Variants in ANKRD10 observed in about 807,000 individuals in gnomAD.
ANKRD10 encodes ankyrin repeat domain-containing protein 10.
Under a neutral mutation model 27.0 loss-of-function variants are expected in ANKRD10, and 14 were observed. The observed-to-expected ratio is 0.52, with a 90% CI of 0.34 to 0.81. The LOEUF (loss-of-function observed/expected upper bound fraction) is 0.81, where lower values mean the gene tolerates loss of function less well. Ranked by LOEUF, ANKRD10 falls within the 40% of genes least tolerant of loss-of-function variation. ANKRD10 has a pLI of 0.01. For synonymous variants in ANKRD10, 250 were observed against 224.5 expected (o/e 1.11, Z -1.01); for missense variants, 493 against 544.0 (o/e 0.91, Z 0.93).
chr13:110,894,977 A>G (rs990273135), intron 3 of ANKRD10: 2 of 152,200 alleles, frequency 1.3e-5, no homozygotes, highest in African/African-American at 4.8e-5. Flanking sequence ...TTTTAATGGT[A>G]TATTTCACTT....
rs1253393962 is a variant in ANKRD10 at position 110,879,500 on chromosome 13, G to A, written c.*137C>T. ...AACAAGCAGTTGCTGGGAACTTGTC[G>A]AAGTTTACTTTTTCAGAAAGTTGAA... On this transcript the variant is annotated 3_prime_UTR_variant, in exon 6 of 6. Coordinates refer to ENST00000267339, the MANE Select transcript of ANKRD10 (RefSeq NM_017664.4). The A allele has an allele frequency of 2.0e-5, 14 of 693,416 alleles. No homozygotes were observed. Among genetic ancestry groups the A allele is most frequent in the Admixed American group, 1.4e-4 (5 of 36,648 alleles). 43.0% of individuals were successfully genotyped at this position (693,416 alleles called of 1,614,324 possible).
At chr13:110,912,614 G>A (rs146531046) in intron 1 of ANKRD10, among the ~76,000 whole-genome samples, 376 of 152,300 alleles carry the variant, frequency 2.5e-3, no homozygotes, top group Non-Finnish European at 4.1e-3. Context: ...GAAAGATACT[G>A]TTCAATATGG....
At chr13:110,886,149 G>A (rs1344262030) in intron 4 of ANKRD10, among the ~76,000 whole-genome samples, 3 of 152,284 alleles carry the variant, frequency 2.0e-5, no homozygotes, top group South Asian at 2.1e-4. Context: ...TGAAGGCAGA[G>A]GTGCCACTAG....
intron 4 of ANKRD10, among the ~76,000 whole-genome samples, chr13:110,891,559 TGACA>T (rs1461701074): frequency 3.9e-5 from 6 of 152,208 alleles, no homozygotes; most frequent in Admixed American, 6.5e-5. Flanking sequence ...TACATAATAC[TGACA>T]TTTTATCAAC....
chr13:110,886,269 C>G (rs1421293134), intron 4 of ANKRD10, among the ~76,000 whole-genome samples: 3 of 152,214 alleles, frequency 2.0e-5, no homozygotes, highest in African/African-American at 7.2e-5. Flanking sequence ...TGACCAGGGA[C>G]CTCTCAGAAA....
chr13:110,898,352 AAG>A (rs2065283928), intron 3 of ANKRD10, among the ~76,000 whole-genome samples: 1 of 152,232 alleles, frequency 6.6e-6, no homozygotes, highest in African/African-American at 2.4e-5. Context: ...AAGATCATAA[AAG>A]AAGTTCAGGT....
At chr13:110,912,620 T>C (rs911014717) in intron 1 of ANKRD10, among the ~76,000 whole-genome samples, 23 of 152,244 alleles carry the variant, frequency 1.5e-4, no homozygotes, top group African/African-American at 5.5e-4. Context: ...TACTGTTCAA[T>C]ATGGTATAAA....
At chr13:110,889,284 TAA>T (rs1378209592) in intron 4 of ANKRD10, among the ~76,000 whole-genome samples, 1 of 151,892 alleles carries the variant, frequency 6.6e-6, no homozygotes, top group African/African-American at 2.4e-5. Flanking sequence ...ACAAAAAAAT[TAA>T]AGACTGATAC....
chr13:110,878,634 T>C lies in ANKRD10; in HGVS notation c.*1003A>G, dbSNP rs1444091767. On this transcript the variant is annotated 3_prime_UTR_variant, in exon 6 of 6. Transcript: ENST00000267339. The stretch of plus-strand genomic sequence containing the variant: ...AACACTGGTTTGTTCATTTGACATT[T>C]TATCTGCACCAATTTTTATTACAAA... 2 of 152,560 alleles carry C rather than the reference T, an allele frequency of 1.3e-5. No homozygotes were observed. Among genetic ancestry groups the C allele is most frequent in the African/African-American group, 4.8e-5 (2 of 41,460 alleles). 9.5% of individuals were successfully genotyped at this position (152,560 alleles called of 1,614,324 possible). A position where few individuals can be genotyped will look rare whatever the true frequency, so the allele number is the denominator to read the frequency against.
chr13:110,891,942 A>G (rs1399661344), intron 4 of ANKRD10, among the ~76,000 whole-genome samples: 1 of 144,332 alleles, frequency 6.9e-6, no homozygotes, highest in African/African-American at 2.6e-5. Flanking sequence ...CGAACTCCTG[A>G]GCTCAAGTAA....
intron 4 of ANKRD10, among the ~76,000 whole-genome samples, chr13:110,888,589 C>T (rs1566454343): frequency 2.0e-5 from 3 of 152,112 alleles, no homozygotes; most frequent in Non-Finnish European, 4.4e-5. Context: ...TATTTCCTCT[C>T]AAGTTTCAAG....
chr13:110,910,936 A>G (rs1207799105), intron 1 of ANKRD10, among the ~76,000 whole-genome samples, 166 bp from the exon 2 acceptor site: 3 of 152,256 alleles, frequency 2.0e-5, no homozygotes, highest in Non-Finnish European at 2.9e-5. Flanking sequence ...AAGGACATTT[A>G]AGATAACATA....
intron 1 of ANKRD10, 158 bp downstream of exon 1, chr13:110,914,567 C>CGCACAGGCGCCCTAGGCCCCTCGGG (rs1274497609): frequency 5.6e-6 from 6 of 1,071,364 alleles, no homozygotes; most frequent in Admixed American, 4.3e-5. Flanking sequence ...CGAGCGCTGC[C>CGCACAGGCGCCCTAGGCCCCTCGGG]GCACAGGCGC....
intron 5 of ANKRD10, chr13:110,883,400 A>AT (rs983655638): frequency 8.4e-5 from 52 of 619,448 alleles, no homozygotes; most frequent in Non-Finnish European, 2.2e-5. Flanking sequence ...TTGCACTTAC[A>AT]TTTTTCATGT....
chr13:110,892,415 G>GAAAAAAAAAAAAAAAAAAAAAAAAA (rs1381734881), intron 4 of ANKRD10, among the ~76,000 whole-genome samples: 13 of 2,586 alleles, frequency 5.0e-3, no homozygotes, highest in East Asian at 0.1. Context: ...GGGTGACAGA[G>GAAAAAAAAAAAAAAAAAAAAAAAAA]CAAAAAAAAA....
intron 4 of ANKRD10, among the ~76,000 whole-genome samples, chr13:110,892,534 CAT>C (rs1169539053): frequency 2.7e-5 from 4 of 149,784 alleles, no homozygotes; most frequent in East Asian, 2.0e-4. Flanking sequence ...AGTCAACACA[CAT>C]GTGAGGTACA....
chr13:110,891,857 CCTT>C (rs71704534), intron 4 of ANKRD10, among the ~76,000 whole-genome samples: 38,936 of 146,728 alleles, frequency 0.27, 6,463 homozygotes, highest in Non-Finnish European at 0.38. Context: ...ATCACATTTA[CCTT>C]CTTATTAAGA....
rs1334116810 is a variant in ANKRD10 at position 110,879,894 on chromosome 13, T to C, written c.1006A>G (p.Lys336Glu). 2 of 1,614,212 alleles carry C rather than the reference T, an allele frequency of 1.2e-6. No homozygotes were observed. The highest frequency in any genetic ancestry group is 8.5e-7 in the Non-Finnish European group (1 of 1,180,036). ...LCISGTEEPE[K>E]TLRANPELCG... ...AACTCAGGGTTAGCTCTCAGGGTCT[T>C]CTCTGGCTCCTCAGTCCCACTAATG... Residue 336 changes from lysine to glutamate, a missense_variant, in exon 6 of 6, where the codon AAG (lysine) becomes GAG (glutamate). Lys to Glu is a moderately conservative substitution (Grantham distance 56, BLOSUM62 1). Coordinates refer to ENST00000267339, the MANE Select transcript of ANKRD10 (RefSeq NM_017664.4).
chr13:110,906,486 T>A (rs962227473), intron 2 of ANKRD10, among the ~76,000 whole-genome samples: 3 of 151,700 alleles, frequency 2.0e-5, no homozygotes, highest in African/African-American at 7.3e-5. Flanking sequence ...CACACACACA[T>A]TAAAACGGTC....
Sources: allele counts gnomAD v4.1 joint callset (sites outside exome capture counted in the v4.1 genomes callset), GRCh38; gene constraint gnomAD v4.1.1; transcripts MANE v1.5; gene names NCBI Gene and HGNC (gene_info 2026-07-23, HGNC 2026-07-21).